The following ERC2 variants were observed in gnomAD, a reference collection of about 807,000 sequenced individuals.
The protein encoded by ERC2 is ELKS/RAB6-interacting/CAST family member 2, also known as ERC protein 2.
A neutral mutation model predicts 114.8 loss-of-function variants in ERC2; 42 were observed. That is an observed-to-expected ratio of 0.37 (90% CI 0.29 to 0.47). The LOEUF (loss-of-function observed/expected upper bound fraction) is 0.47, where lower values mean the gene tolerates loss of function less well. ERC2 is among the 20% of genes least tolerant of loss of function. The pLI, the probability that ERC2 is intolerant of heterozygous loss-of-function variation, is 0.99. For missense variants in ERC2, 939 were observed against 1,150.7 expected (o/e 0.82, Z 2.66); for synonymous variants, 454 against 425.5 (o/e 1.07, Z -0.82).
chr3:56,189,354 G>A (rs1326667916), intron 3 of ERC2, among the ~76,000 whole-genome samples: 2 of 152,108 alleles, frequency 1.3e-5, no homozygotes, highest in Admixed American at 1.3e-4. Context: ...AACCATCCTG[G>A]TGACTCTTCT....
chr3:56,299,106 GTTT>G (rs539540086), intron 2 of ERC2, among the ~76,000 whole-genome samples: 1 of 123,248 alleles, frequency 8.1e-6, no homozygotes, highest in Non-Finnish European at 1.7e-5. Flanking sequence ...GTTTTTTTTT[GTTT>G]TTTTTTTTTG....
At position 55,574,875 on chromosome 3, in the gene ERC2, C is replaced by A. The variant is rs2056895435; in HGVS notation, c.*40-63599G>T. Among the ~76,000 whole-genome samples, 4 of 152,192 alleles carry A rather than the reference C, an allele frequency of 2.6e-5. No individual in the cohort carries two copies. The South Asian group carries it at 8.3e-4, about 32-fold the overall frequency. ...GAATGGGCCCTCTGTTTTCCTAGGGCCAGTTCTAAACCCCTAGCTGACCCC... is the reference window on the plus strand; with the variant it reads ...GAATGGGCCCTCTGTTTTCCTAGGGACAGTTCTAAACCCCTAGCTGACCCC... On this transcript the variant is annotated intron_variant, in intron 17 of 17. Coordinates refer to ENST00000288221, the MANE Select transcript of ERC2 (RefSeq NM_015576.3).
intron 7 of ERC2, among the ~76,000 whole-genome samples, chr3:56,076,869 G>T (rs1302808378): frequency 6.6e-6 from 1 of 152,188 alleles, no homozygotes; most frequent in Non-Finnish European, 1.5e-5. Context: ...TGAAGGCAAA[G>T]CTGACAGATA....
chr3:55,937,259 G>A (rs2066503773), intron 13 of ERC2, among the ~76,000 whole-genome samples: 1 of 152,184 alleles, frequency 6.6e-6, no homozygotes, highest in Admixed American at 6.5e-5. Flanking sequence ...TGAGACAGGC[G>A]AATCACTTGA....
At chr3:56,267,403 G>GT (rs945884191) in intron 3 of ERC2, among the ~76,000 whole-genome samples, 4 of 152,150 alleles carry the variant, frequency 2.6e-5, no homozygotes, top group Non-Finnish European at 5.9e-5. Context: ...CATGTGGAAT[G>GT]TTTTTTAAAA....
At chr3:55,860,937 C>T (rs561205723) in intron 14 of ERC2, among the ~76,000 whole-genome samples, 132 of 152,264 alleles carry the variant, frequency 8.7e-4, no homozygotes, top group Non-Finnish European at 3.2e-4. Context: ...GTAAAAGAGA[C>T]TACACGGGTT....
intron 17 of ERC2, among the ~76,000 whole-genome samples, chr3:55,574,355 T>C (rs1252702231): frequency 6.6e-6 from 1 of 152,190 alleles, no homozygotes; most frequent in Non-Finnish European, 1.5e-5. Context: ...CCAAAGTCCC[T>C]TGATAAAACA....
At chr3:56,126,855 A>AAAGGAAAG (rs2079903575) in intron 6 of ERC2, among the ~76,000 whole-genome samples, 10 of 46,010 alleles carry the variant, frequency 2.2e-4, no homozygotes, top group South Asian at 1.7e-3. Flanking sequence ...GGAAAGGAAA[A>AAAGGAAAG]GAAAGGCAAG....
intron 6 of ERC2, among the ~76,000 whole-genome samples, chr3:56,115,714 C>G (rs1413785120): frequency 3.3e-5 from 5 of 152,024 alleles, no homozygotes; most frequent in Non-Finnish European, 7.4e-5. Context: ...ACATTTGGAG[C>G]CTTGCTGACC....
Position 55,755,235 on chromosome 3 carries a change from T to C in ERC2, c.2565-20317A>G, listed in dbSNP as rs1469198878. On this transcript the variant is annotated intron_variant, in intron 14 of 17. Coordinates refer to ENST00000288221, the MANE Select transcript of ERC2 (RefSeq NM_015576.3). ...GGAAGCCTAGAAGAAACCACAGTAATTGGTGCTTTTAGCTGCCCACTTAAT... is the reference window on the plus strand; with the variant it reads ...GGAAGCCTAGAAGAAACCACAGTAACTGGTGCTTTTAGCTGCCCACTTAAT... Among the ~76,000 whole-genome samples, 6 of 152,252 alleles carry C rather than the reference T, an allele frequency of 3.9e-5. No homozygotes were observed. The East Asian group carries it at 1.2e-3, about 29-fold the overall frequency.
intron 17 of ERC2, among the ~76,000 whole-genome samples, chr3:55,516,486 C>A (rs2107166593): frequency 6.6e-6 from 1 of 151,872 alleles, no homozygotes; most frequent in Non-Finnish European, 1.5e-5. Context: ...AGAGTGGACT[C>A]CTACAGCTCC....
intron 15 of ERC2, among the ~76,000 whole-genome samples, chr3:55,722,389 A>T (rs1330458338): frequency 6.6e-6 from 1 of 152,096 alleles, no homozygotes; most frequent in African/African-American, 2.4e-5. Context: ...TCTCCCCTCC[A>T]TGCACAGGGC....
intron 17 of ERC2, among the ~76,000 whole-genome samples, chr3:55,651,396 A>G (rs572221990): frequency 1.6e-3 from 241 of 151,960 alleles, no homozygotes; most frequent in African/African-American, 5.6e-3. Flanking sequence ...TAAAGCTTAC[A>G]TTAAATTGTC....
chr3:55,526,338 T>C (rs2053318758), intron 17 of ERC2, among the ~76,000 whole-genome samples: 1 of 152,168 alleles, frequency 6.6e-6, no homozygotes, highest in Admixed American at 6.5e-5. Flanking sequence ...AGGAAACTAA[T>C]ACAGGAGTCA....
intron 17 of ERC2, among the ~76,000 whole-genome samples, chr3:55,614,013 A>AG: frequency 8.4e-6 from 1 of 118,910 alleles, no homozygotes; most frequent in Non-Finnish European, 1.8e-5. Context: ...AAAAAAAAAA[A>AG]GAAGACATGG....
At chr3:55,869,111 T>C (rs1165988398) in intron 14 of ERC2, among the ~76,000 whole-genome samples, 1 of 152,182 alleles carries the variant, frequency 6.6e-6, no homozygotes, top group Non-Finnish European at 1.5e-5. Context: ...AATGTGAATG[T>C]AAACAATGTT....
intron 2 of ERC2, among the ~76,000 whole-genome samples, chr3:56,393,137 C>A (rs1037877647): frequency 6.6e-6 from 1 of 152,208 alleles, no homozygotes; most frequent in African/African-American, 2.4e-5. Flanking sequence ...GTGGCTCATG[C>A]CTATAATCCC....
chr3:56,385,445 T>C (rs987537920), intron 2 of ERC2, among the ~76,000 whole-genome samples: 1 of 152,068 alleles, frequency 6.6e-6, no homozygotes, highest in African/African-American at 2.4e-5. Context: ...CAAAGTCCTT[T>C]CTCCACCACC....
chr3:56,262,623 T>G (rs2053016706), intron 3 of ERC2, among the ~76,000 whole-genome samples: 1 of 152,234 alleles, frequency 6.6e-6, no homozygotes, highest in African/African-American at 2.4e-5. Context: ...TATTTGAGTT[T>G]CATTCTTTGT....
Sources: gnomAD v4.1 joint callset for allele counts (sites outside exome capture counted in the v4.1 genomes callset) on GRCh38, gnomAD v4.1.1 for gene constraint, MANE v1.5 for transcripts, NCBI Gene and HGNC (gene_info 2026-07-23, HGNC 2026-07-21) for gene names.